The following ZFHX3 variants were observed in gnomAD, a reference collection of about 807,000 sequenced individuals.
The protein encoded by ZFHX3 is zinc finger homeobox protein 3.
ZFHX3 carries 42 observed loss-of-function variants against 279.1 expected under a neutral mutation model. The ratio of observed to expected loss-of-function variants is 0.15; its 90% CI spans 0.12 to 0.19. The LOEUF is 0.19. ZFHX3 is among the 10% of genes least tolerant of loss of function. ZFHX3 has a pLI of 1.00. For synonymous variants in ZFHX3, 2,293 were observed against 1,957.8 expected (o/e 1.17, Z -4.52); for missense variants, 4,981 against 4,754.0 (o/e 1.05, Z -1.40).
intron 1 of ZFHX3, among the ~76,000 whole-genome samples, chr16:73,696,642 T>G (rs1254131867): frequency 1.3e-5 from 2 of 152,228 alleles, no homozygotes; most frequent in Non-Finnish European, 2.9e-5. Context: ...CTTTCCCTTG[T>G]GTGGGTTTGT....
intron 3 of ZFHX3, among the ~76,000 whole-genome samples, chr16:73,320,273 T>C (rs1260619326): frequency 1.3e-5 from 2 of 152,112 alleles, no homozygotes; most frequent in African/African-American, 4.8e-5. Flanking sequence ...ACAAAACATA[T>C]TCCAGATGAA....
At chr16:73,656,775 C>T (rs905472391) in intron 2 of ZFHX3, among the ~76,000 whole-genome samples, 11 of 152,158 alleles carry the variant, frequency 7.2e-5, no homozygotes, top group Non-Finnish European at 1.5e-4. Flanking sequence ...GTCCTATATA[C>T]ATAAAAATAA....
In ZFHX3 at chr16:72,943,605, G is replaced by C. The variant is rs193218822; in HGVS notation, c.3216+6864C>G. 4.0e-3 allele frequency among the ~76,000 whole-genome samples: 608 copies of C among 152,278 alleles called. 1 individual carries two copies. The highest frequency in any genetic ancestry group is 7.1e-3 in the Non-Finnish European group (484 of 68,028). The stretch of plus-strand genomic sequence containing the variant: ...CCCATCTACATTAGAACAATGAAAA[G>C]GGACTTACTTTAGAACAATGTTGTC... On this transcript the variant is annotated intron_variant, in intron 3 of 9. Transcript: ENST00000268489.
At chr16:73,072,284 A>C (rs1263066558) in intron 8 of ZFHX3, among the ~76,000 whole-genome samples, 1 of 152,066 alleles carries the variant, frequency 6.6e-6, no homozygotes, top group African/African-American at 2.4e-5. Context: ...ATTGCTACTA[A>C]AAATGCAAAA....
chr16:73,768,257 A>C (rs551239864), intron 1 of ZFHX3, among the ~76,000 whole-genome samples: 5 of 152,254 alleles, frequency 3.3e-5, no homozygotes, highest in African/African-American at 1.2e-4. Flanking sequence ...GGAAACCAGA[A>C]AGCAAGGAGA....
chr16:73,816,203 A>G (rs1713759957), intron 1 of ZFHX3: 2 of 152,224 alleles, frequency 1.3e-5, no homozygotes, highest in South Asian at 2.1e-4. Context: ...ACATTGAAGT[A>G]TCTGACTGAT....
chr16:73,831,077 C>G (rs1015758215), intron 1 of ZFHX3, among the ~76,000 whole-genome samples: 9 of 152,114 alleles, frequency 5.9e-5, no homozygotes, highest in African/African-American at 2.2e-4. Context: ...AAAGAGAAGG[C>G]CAATAACCAT....
intron 1 of ZFHX3, among the ~76,000 whole-genome samples, chr16:73,775,150 G>A (rs1247424896): frequency 1.3e-5 from 2 of 152,146 alleles, no homozygotes; most frequent in Admixed American, 1.3e-4. Context: ...ATGGGAAAGC[G>A]CCGTTGAGAA....
At chr16:73,456,761 G>T (rs901236726) in intron 2 of ZFHX3, among the ~76,000 whole-genome samples, 1 of 152,244 alleles carries the variant, frequency 6.6e-6, no homozygotes, top group African/African-American at 2.4e-5. Context: ...TATCGGGATG[G>T]AAAAGATTTA....
intron 1 of ZFHX3, among the ~76,000 whole-genome samples, chr16:73,044,951 T>C (rs1965239698): frequency 6.6e-6 from 1 of 152,118 alleles, no homozygotes; most frequent in Admixed American, 6.5e-5. Context: ...ACAGCTCACT[T>C]TCTTCCCCTT....
chr16:73,791,473 G>A (rs748138264), intron 1 of ZFHX3, among the ~76,000 whole-genome samples: 12 of 152,008 alleles, frequency 7.9e-5, no homozygotes, highest in South Asian at 4.2e-4. Flanking sequence ...TTGCCAGGCC[G>A]GAGTGCAGCG....
intron 2 of ZFHX3, among the ~76,000 whole-genome samples, chr16:73,641,612 G>T (rs376974301): frequency 1.3e-5 from 2 of 152,040 alleles, no homozygotes; most frequent in Non-Finnish European, 1.5e-5. Context: ...AAGATGGGAG[G>T]GGGGACAGAG....
At chr16:73,041,768 G>A (rs1965126588) in intron 1 of ZFHX3, among the ~76,000 whole-genome samples, 1 of 152,144 alleles carries the variant, frequency 6.6e-6, no homozygotes, top group South Asian at 2.1e-4. Context: ...ACAAAAAAAA[G>A]CGGAGCTGTT....
chr16:73,289,968 T>C (rs747427295), intron 4 of ZFHX3, among the ~76,000 whole-genome samples: 1 of 151,704 alleles, frequency 6.6e-6, no homozygotes, highest in Non-Finnish European at 1.5e-5. Context: ...AATTCCAATA[T>C]GAAGATTATA....
intron 7 of ZFHX3, among the ~76,000 whole-genome samples, chr16:73,100,118 A>G (rs1743009934): frequency 6.6e-6 from 1 of 152,230 alleles, no homozygotes; most frequent in African/African-American, 2.4e-5. Context: ...GGGCTCCACC[A>G]TTGAGCCTCT....
At chr16:73,072,777 C>T (rs1331325910) in intron 8 of ZFHX3, among the ~76,000 whole-genome samples, 1 of 152,206 alleles carries the variant, frequency 6.6e-6, no homozygotes, top group Non-Finnish European at 1.5e-5. Flanking sequence ...GCTATGTTGC[C>T]CAGGCTGGTC....
intron 5 of ZFHX3, among the ~76,000 whole-genome samples, chr16:73,187,074 C>A (rs1329790555): frequency 6.6e-6 from 1 of 151,550 alleles, no homozygotes; most frequent in Non-Finnish European, 1.5e-5. Context: ...CAAATCAAGT[C>A]AAAATAGACA....
intron 3 of ZFHX3, among the ~76,000 whole-genome samples, chr16:73,325,777 A>G (rs1326111545): frequency 6.6e-6 from 1 of 152,176 alleles, no homozygotes; most frequent in Non-Finnish European, 1.5e-5. Flanking sequence ...TCAAAGCAAT[A>G]TCAAATGAGA....
At chr16:73,746,799 A>T (rs2053707985) in intron 1 of ZFHX3, among the ~76,000 whole-genome samples, 1 of 152,146 alleles carries the variant, frequency 6.6e-6, no homozygotes, top group Admixed American at 6.5e-5. Context: ...AACAAAACAG[A>T]CCAAAATCTC....
Sources: allele counts gnomAD v4.1 joint callset (sites outside exome capture counted in the v4.1 genomes callset), GRCh38; gene constraint gnomAD v4.1.1; transcripts MANE v1.5; gene names NCBI Gene and HGNC (gene_info 2026-07-23, HGNC 2026-07-21).